POR: variants seen among roughly 807,000 people sequenced by gnomAD.
POR encodes cytochrome p450 oxidoreductase, also known as NADPH--cytochrome P450 reductase.
A neutral mutation model predicts 84.0 loss-of-function variants in POR; 56 were observed. The observed-to-expected ratio is 0.67, with a 90% CI of 0.54 to 0.83. POR has a LOEUF of 0.83. Ranked by LOEUF, POR falls within the 40% of genes least tolerant of loss-of-function variation. The pLI is 0.00. For synonymous variants in POR, 414 were observed against 400.5 expected (o/e 1.03, Z -0.40); for missense variants, 938 against 944.3 (o/e 0.99, Z 0.09).
intron 4 of POR, chr7:75,979,874 C>T (rs540810711): frequency 2.4e-6 from 1 of 410,128 alleles, no homozygotes; most frequent in African/African-American, 2.0e-5. Flanking sequence ...ACCCACCCTC[C>T]CCAGCTGCTC....
intron 2 of POR, among the ~76,000 whole-genome samples, chr7:75,962,528 TC>T (rs1554554652): frequency 1.3e-5 from 2 of 152,150 alleles, no homozygotes; most frequent in African/African-American, 4.8e-5. Flanking sequence ...TGTTCGAACG[TC>T]TGAGTTCAAG....
intron 1 of POR, among the ~76,000 whole-genome samples, chr7:75,927,968 CT>C (rs1243977285): frequency 4.0e-3 from 431 of 107,004 alleles, no homozygotes; most frequent in African/African-American, 0.013. Context: ...TCTCAGGTTT[CT>C]TTTTTTTTTT....
intron 2 of POR, among the ~76,000 whole-genome samples, chr7:75,970,333 G>A (rs907423713): frequency 1.3e-5 from 2 of 151,778 alleles, no homozygotes; most frequent in South Asian, 2.1e-4. Flanking sequence ...TCTGTCTCCC[G>A]GGCTGGAACC....
chr7:75,953,164 C>T (rs575310837), intron 1 of POR, among the ~76,000 whole-genome samples: 10 of 152,010 alleles, frequency 6.6e-5, no homozygotes, highest in African/African-American at 2.2e-4. Flanking sequence ...CAAAAAAATA[C>T]GAGAACCAGT....
rs369667255 is a variant in POR, at chr7:75,979,466, G to A, written c.253G>A (p.Val85Met). Residue 85 changes from valine to methionine, a missense_variant, in exon 4 of 16, where the codon GTG (valine) becomes ATG (methionine). Val to Met is a conservative substitution (Grantham distance 21). Coordinates refer to ENST00000461988, the MANE Select transcript of POR (RefSeq NM_000941.3). ...CCTTCCTTAGGGGAGGAACATCATC[G>A]TGTTCTACGGCTCCCAGACGGGGAC... 75 of 1,613,170 alleles carry A rather than the reference G, an allele frequency of 4.6e-5. No individual in the cohort carries two copies. The highest frequency in any genetic ancestry group is 2.7e-4 in the Admixed American group (16 of 59,956).
At chr7:75,979,419 G>A in intron 3 of POR, 32 bp from the exon 4 acceptor site, 1 of 1,608,284 alleles carries the variant, frequency 6.2e-7, no homozygotes, top group Non-Finnish European at 8.5e-7. Flanking sequence ...GAGGTCTGTG[G>A]CCCTCACCAA....
At chr7:75,937,681 C>G (rs1201520139) in intron 1 of POR, among the ~76,000 whole-genome samples, 1 of 151,584 alleles carries the variant, frequency 6.6e-6, no homozygotes, top group Non-Finnish European at 1.5e-5. Context: ...ACTCGGGAGG[C>G]TGAGGCAGGA....
chr7:75,940,657 G>T (rs993293321), intron 1 of POR, among the ~76,000 whole-genome samples: 2 of 151,556 alleles, frequency 1.3e-5, no homozygotes, highest in Non-Finnish European at 2.9e-5. Context: ...GGTGGCAGGC[G>T]CCTGTAGTCC....
chr7:75,986,111 AG>A, intron 14 of POR, 43 bp downstream of exon 14: 1 of 1,581,086 alleles, frequency 6.3e-7, no homozygotes, highest in African/African-American at 1.3e-5. Context: ...TGAGGCTGGC[AG>A]GGCCACAGCC....
intron 2 of POR, chr7:75,968,149 C>A: frequency 2.2e-6 from 1 of 457,970 alleles, no homozygotes; most frequent in Non-Finnish European, 4.4e-6. Flanking sequence ...GACACTGTCC[C>A]TGGCGGCAGA....
chr7:75,956,386 C>T (rs1787685577), intron 2 of POR, among the ~76,000 whole-genome samples: 3 of 152,208 alleles, frequency 2.0e-5, no homozygotes, highest in African/African-American at 7.2e-5. Flanking sequence ...CCTACAGTGT[C>T]CCAGACACTA....
rs989272085 is a variant in POR at position 75,985,897 on chromosome 7, C to T, written c.1670-26C>T. The T allele has an allele frequency of 1.7e-5, 27 of 1,562,066 alleles. No individual in the cohort carries two copies. The African/African-American group carries it at 2.0e-4, about 12-fold the overall frequency. On this transcript the variant is annotated intron_variant, in intron 13 of 15. Transcript: ENST00000461988. Reference sequence around the variant, plus strand: ...GAGGGGGTGACGACTGGGAGCCCCGCGCTCACCCCGGCCCCTGCCACGCAG... The same window carrying T: ...GAGGGGGTGACGACTGGGAGCCCCGTGCTCACCCCGGCCCCTGCCACGCAG...
chr7:75,981,954 C>T (rs934895789), intron 7 of POR: 29 of 569,080 alleles, frequency 5.1e-5, no homozygotes, highest in Middle Eastern at 4.7e-4. Context: ...GGGTGCTGCC[C>T]GGGCTTCCTT....
At chr7:75,978,205 ATATC>A (rs1347401972) in intron 3 of POR, among the ~76,000 whole-genome samples, 45 of 152,334 alleles carry the variant, frequency 3.0e-4, no homozygotes, top group African/African-American at 9.4e-4. Context: ...TTTGATATAC[ATATC>A]TATTATTTAT....
chr7:75,933,441 T>A (rs1423852554), intron 1 of POR, among the ~76,000 whole-genome samples: 9 of 139,432 alleles, frequency 6.5e-5, no homozygotes, highest in African/African-American at 1.8e-4. Context: ...CAGGCTGGAG[T>A]GCAATGGCGC....
chr7:75,963,575 G>A (rs1467882431), intron 2 of POR, among the ~76,000 whole-genome samples: 4 of 152,356 alleles, frequency 2.6e-5, no homozygotes, highest in Non-Finnish European at 5.9e-5. Context: ...GTCGGGTGCA[G>A]GAGAGGGAGC....
At chr7:75,917,737 G>A (rs1554548231) in intron 1 of POR, among the ~76,000 whole-genome samples, 1 of 152,110 alleles carries the variant, frequency 6.6e-6, no homozygotes. Context: ...CCAGGTTCAA[G>A]CAATTTTCCT....
rs144944934 is a variant in POR at position 75,966,701 on chromosome 7, G to A, written c.189-5712G>A. Among the ~76,000 whole-genome samples, 404 of 152,318 alleles carry A rather than the reference G, an allele frequency of 2.7e-3. 1 individual carries two copies. The highest frequency in any genetic ancestry group is 9.3e-3 in the African/African-American group (388 of 41,576). On this transcript the variant is annotated intron_variant, in intron 2 of 15. Transcript: ENST00000461988. ...GCAGTTTCCAGAAATGTTCCTCAGC[G>A]TCGCCTGTGACGGGAACAAAATGAA...
At chr7:75,927,684 T>A (rs1263727023) in intron 1 of POR, among the ~76,000 whole-genome samples, 2 of 151,034 alleles carry the variant, frequency 1.3e-5, no homozygotes, top group Non-Finnish European at 3.0e-5. Flanking sequence ...TTTTTTTTTT[T>A]TTTTGAGACT....
Sources: gnomAD v4.1 joint callset for allele counts (sites outside exome capture counted in the v4.1 genomes callset) on GRCh38, gnomAD v4.1.1 for gene constraint, MANE v1.5 for transcripts, NCBI Gene and HGNC (gene_info 2026-07-23, HGNC 2026-07-21) for gene names.